The following MALL variants were observed in gnomAD, a reference collection of about 807,000 sequenced individuals.
MALL encodes the protein MAL-like protein.
A neutral mutation model predicts 10.3 loss-of-function variants in MALL; 2 were observed. The observed-to-expected ratio is 0.19, with a 90% CI of 0.08 to 0.61. The LOEUF is 0.61. Among genes scored for constraint, MALL ranks in the 20% least tolerant of loss-of-function variants. The probability of loss-of-function intolerance (pLI) is 0.88; values close to 1 mark genes in which losing one functional copy is unlikely to be tolerated. For missense variants in MALL, 39 were observed against 115.2 expected, an observed-to-expected ratio of 0.34 and a Z score of 3.03; for synonymous variants, 27 against 51.8, an observed-to-expected ratio of 0.52 and a Z score of 2.05.
upstream of MALL, among the ~76,000 whole-genome samples, chr2:110,116,865 AGCATGTGGGGAAGATT>A (rs1212090204): frequency 2.0e-5 from 3 of 151,966 alleles, no homozygotes; most frequent in Non-Finnish European, 4.4e-5. Context: ...TGGTGTGGAG[AGCATGTGGGGAAGATT>A]GTGTGAGGGC....
chr2:110,101,392 G>A (rs1678561570), intron 1 of MALL, among the ~76,000 whole-genome samples: 1 of 152,112 alleles, frequency 6.6e-6, no homozygotes, highest in Non-Finnish European at 1.5e-5. Context: ...TTTTTCTGTG[G>A]CTTTAAGGCT....
At chr2:110,096,826 G>A (rs1328018158) in intron 1 of MALL, among the ~76,000 whole-genome samples, 1 of 150,230 alleles carries the variant, frequency 6.7e-6, no homozygotes, top group African/African-American at 2.4e-5. Context: ...CCACCTCCAG[G>A]TTAAATAACT....
At chr2:110,114,609 AG>A (rs1021725090) in intron 1 of MALL, among the ~76,000 whole-genome samples, 8 of 151,546 alleles carry the variant, frequency 5.3e-5, no homozygotes, top group Non-Finnish European at 1.0e-4. Flanking sequence ...CTCAGATCCT[AG>A]GCCCACCCTG....
chr2:110,101,007 G>A (rs1351120814), intron 1 of MALL, among the ~76,000 whole-genome samples: 1 of 151,750 alleles, frequency 6.6e-6, no homozygotes, highest in Non-Finnish European at 1.5e-5. Context: ...CAGCCAGGCT[G>A]TGCTGGGTGC....
intron 1 of MALL, among the ~76,000 whole-genome samples, chr2:110,102,290 G>A (rs772525396): frequency 5.3e-5 from 8 of 152,116 alleles, no homozygotes; most frequent in Non-Finnish European, 1.0e-4. Context: ...ACCAGACCAT[G>A]TCACCTCCTC....
chr2:110,098,029 C>T (rs1424737374), intron 1 of MALL, among the ~76,000 whole-genome samples: 2 of 151,986 alleles, frequency 1.3e-5, no homozygotes, highest in Admixed American at 1.3e-4. Flanking sequence ...GGAATGGGCT[C>T]TGCAAAGGAC....
chr2:110,103,919 G>A (rs568578470), intron 1 of MALL, among the ~76,000 whole-genome samples: 2 of 152,328 alleles, frequency 1.3e-5, no homozygotes, highest in Admixed American at 1.3e-4. Context: ...CTGCTGTGTG[G>A]TGTGGGCTCC....
At chr2:110,111,988 C>T (rs1254070247) in intron 1 of MALL, among the ~76,000 whole-genome samples, 3 of 152,098 alleles carry the variant, frequency 2.0e-5, no homozygotes, top group African/African-American at 7.2e-5. Context: ...GGGGAAAGGA[C>T]ATCCTTTTGA....
chr2:110,111,062 C>T (rs949676995), intron 1 of MALL, among the ~76,000 whole-genome samples: 3 of 152,132 alleles, frequency 2.0e-5, no homozygotes, highest in African/African-American at 4.8e-5. Flanking sequence ...ATACAAGGGA[C>T]ATATCTTAAT....
intron 1 of MALL, among the ~76,000 whole-genome samples, chr2:110,097,217 A>C (rs1385127813): frequency 2.0e-5 from 3 of 151,984 alleles, no homozygotes; most frequent in Non-Finnish European, 4.4e-5. Flanking sequence ...AAGAAAATGC[A>C]TGTGCGAGTG....
chr2:110,108,152 T>C (rs1574036142), intron 1 of MALL, among the ~76,000 whole-genome samples: 1 of 152,046 alleles, frequency 6.6e-6, no homozygotes, highest in South Asian at 2.1e-4. Flanking sequence ...AAAATCACAC[T>C]AGTTCACCAG....
At chr2:110,102,454 T>A (rs1282602047) in intron 1 of MALL, among the ~76,000 whole-genome samples, 1 of 152,000 alleles carries the variant, frequency 6.6e-6, no homozygotes, top group Non-Finnish European at 1.5e-5. Context: ...GTCCCTGGAG[T>A]ACAGCATGGA....
rs1678721832 is a variant in MALL, at chr2:110,107,529, AC to A, written c.105+8158del. On this transcript the variant is annotated intron_variant, in intron 1 of 3. Coordinates refer to ENST00000272462, the MANE Select transcript of MALL (RefSeq NM_005434.5). ...CTCACCTTTACCCCTCACAGCAGCA[AC>A]AGCAAGACCCACCCAAGGAGAGTCT... 1.3e-5 allele frequency among the ~76,000 whole-genome samples: 2 copies of A among 152,080 alleles called. 1 individual carries two copies. The highest frequency in any genetic ancestry group is 4.2e-4 in the South Asian group (2 of 4,812).
At chr2:110,108,946 T>A (rs748010094) in intron 1 of MALL, among the ~76,000 whole-genome samples, 1 of 152,226 alleles carries the variant, frequency 6.6e-6, no homozygotes, top group East Asian at 1.9e-4. Flanking sequence ...AAACTAAGCA[T>A]CATATATGGA....
rs58076022 is a variant in MALL at position 110,108,240 on chromosome 2, G to A, written c.105+7448C>T. ...GAGATTAGTTATTAAGCTAATCAGG[G>A]AGGGACCAGAAAAATGTGAAGCCCA... On this transcript the variant is annotated intron_variant, in intron 1 of 3. Transcript: ENST00000272462. 8.3e-4 allele frequency among the ~76,000 whole-genome samples: 127 copies of A among 152,226 alleles called. 1 individual carries two copies. In the East Asian group the frequency reaches 0.014, roughly 17 times the overall value.
At chr2:110,107,380 G>A (rs566543500) in intron 1 of MALL, among the ~76,000 whole-genome samples, 2 of 152,124 alleles carry the variant, frequency 1.3e-5, no homozygotes, top group African/African-American at 4.8e-5. Context: ...CTGGCCATTT[G>A]GTTTGTGTGG....
chr2:110,115,675 G>T lies in MALL; in HGVS notation c.105+13C>A. On this transcript the variant is annotated intron_variant, in intron 1 of 3. Coordinates refer to ENST00000272462, the MANE Select transcript of MALL (RefSeq NM_005434.5). ...TCTCTGCAGGTGGCCCGGGTCGGGG[G>T]TGCCGCACTCACCAGCTCGGGCAGG... 7.9e-7 allele frequency: 1 copy of T among 1,264,904 alleles called. No homozygotes were observed. The highest frequency in any genetic ancestry group is 1.0e-6 in the Non-Finnish European group (1 of 996,364). The allele number at this position is 1,264,904 out of a possible 1,614,324, so 78.4% of individuals were successfully genotyped here.
At chr2:110,094,935 G>A (rs907676319) in intron 1 of MALL, among the ~76,000 whole-genome samples, 2 of 103,266 alleles carry the variant, frequency 1.9e-5, no homozygotes, top group Admixed American at 1.1e-4. Flanking sequence ...ACAGGCCAGG[G>A]GCCTCTGAGC....
chr2:110,118,014 C>T (rs775589835), upstream of MALL, among the ~76,000 whole-genome samples: 17 of 151,910 alleles, frequency 1.1e-4, no homozygotes, highest in Non-Finnish European at 2.4e-4. Context: ...ATGGGAAACT[C>T]ACCAACAGCT....
Sources: gnomAD v4.1 joint callset for allele counts (sites outside exome capture counted in the v4.1 genomes callset) on GRCh38, gnomAD v4.1.1 for gene constraint, MANE v1.5 for transcripts, NCBI Gene and HGNC (gene_info 2026-07-23, HGNC 2026-07-21) for gene names.